Variants in KLHL32 observed in about 807,000 individuals in gnomAD.
KLHL32 encodes kelch like family member 32, also known as kelch-like protein 32.
A neutral mutation model predicts 64.8 loss-of-function variants in KLHL32; 35 were observed. The observed-to-expected ratio is 0.54, with a 90% CI of 0.41 to 0.72. The LOEUF (loss-of-function observed/expected upper bound fraction) is 0.72. Ranked by LOEUF, KLHL32 falls within the 30% of genes least tolerant of loss-of-function variation. KLHL32 has a pLI of 0.00. For missense variants in KLHL32, 589 were observed against 768.5 expected, an observed-to-expected ratio of 0.77 and a Z score of 2.76; for synonymous variants, 259 against 281.0, an observed-to-expected ratio of 0.92 and a Z score of 0.78.
intron 3 of KLHL32, among the ~76,000 whole-genome samples, chr6:96,987,257 G>A (rs901640715): frequency 6.6e-6 from 1 of 152,056 alleles, no homozygotes; most frequent in African/African-American, 2.4e-5. Flanking sequence ...GCTAGCTTTT[G>A]AATGTGTTTG....
intron 3 of KLHL32, among the ~76,000 whole-genome samples, chr6:96,999,360 C>A (rs1171098128): frequency 6.6e-6 from 1 of 152,168 alleles, no homozygotes; most frequent in African/African-American, 2.4e-5. Flanking sequence ...TGTGCCACAG[C>A]ACTCCAGCCT....
At chr6:97,065,987 T>C (rs1158028380) in intron 5 of KLHL32, among the ~76,000 whole-genome samples, 1 of 62,520 alleles carries the variant, frequency 1.6e-5, no homozygotes, top group Non-Finnish European at 6.2e-5. Context: ...GGTTAATGAT[T>C]TTTTTTTACC....
intron 4 of KLHL32, among the ~76,000 whole-genome samples, chr6:97,050,116 C>T (rs549063074): frequency 6.6e-6 from 1 of 152,316 alleles, no homozygotes; most frequent in East Asian, 1.9e-4. Flanking sequence ...TCTAAAATGT[C>T]TCTGTGCAAA....
chr6:96,941,137 T>G (rs978343692), intron 1 of KLHL32, among the ~76,000 whole-genome samples: 1 of 152,338 alleles, frequency 6.6e-6, no homozygotes, highest in African/African-American at 2.4e-5. Flanking sequence ...TTTTCAAGGG[T>G]TTGTTTACAA....
chr6:97,039,238 G>T (rs892001663), intron 3 of KLHL32, among the ~76,000 whole-genome samples: 3 of 152,154 alleles, frequency 2.0e-5, no homozygotes, highest in African/African-American at 7.2e-5. Context: ...TTGCAGCAAT[G>T]TGGATGGAAT....
At chr6:97,083,099 T>C (rs1436854584) in intron 5 of KLHL32, among the ~76,000 whole-genome samples, 1 of 152,170 alleles carries the variant, frequency 6.6e-6, no homozygotes, top group Admixed American at 6.5e-5. Flanking sequence ...CTTAAATTTG[T>C]ACTTGGGGAA....
At chr6:96,942,340 A>G (rs1290585411) in intron 1 of KLHL32, among the ~76,000 whole-genome samples, 2 of 152,044 alleles carry the variant, frequency 1.3e-5, no homozygotes, top group African/African-American at 4.8e-5. Context: ...CTTCACCTCA[A>G]TCTCAGTCCA....
chr6:97,102,327 G>A (rs183751346), intron 6 of KLHL32, among the ~76,000 whole-genome samples: 3 of 152,258 alleles, frequency 2.0e-5, no homozygotes, highest in African/African-American at 7.2e-5. Context: ...GGAAACAATG[G>A]GGGGTGTTGT....
chr6:96,966,032 A>C (rs1774419737), intron 1 of KLHL32, among the ~76,000 whole-genome samples: 1 of 152,210 alleles, frequency 6.6e-6, no homozygotes, highest in African/African-American at 2.4e-5. Context: ...CAAATATTAT[A>C]TTTCACTCAG....
rs539893823 is a variant in KLHL32 at position 97,041,576 on chromosome 6, C to A, written c.289C>A (p.Leu97Met). The A allele has an allele frequency of 1.9e-6, 3 of 1,612,220 alleles. No individual in the cohort carries two copies. In the African/African-American group the frequency reaches 4.0e-5, roughly 22 times the overall value. ...GACCAGCCTTGGCTTAAAGCAGGCT[C>A]TGGAGTTTGCATACACAGGACAGGT... ...GVTSLGLKQA[L>M]EFAYTGQILL... The change falls in exon 4 of 11, where the codon CTG becomes ATG. Residue 97 changes from leucine to methionine, a missense_variant. Around this residue, in one of 3 missense-constraint regions of KLHL32, gnomAD observed 191 missense variants for 223.3 expected, o/e 0.86. Coordinates refer to ENST00000369261, the MANE Select transcript of KLHL32 (RefSeq NM_052904.4).
Position 97,139,449 on chromosome 6 carries a change from G to A in KLHL32, c.*167G>A, listed in dbSNP as rs41289908. On this transcript the variant is annotated 3_prime_UTR_variant, in exon 11 of 11. Transcript: ENST00000369261. ...TTCTAAAATACGTTATTGAAAACTC[G>A]TCACCCTTCTCAGTGTATGTCAACA... 21,326 of 609,828 alleles carry A rather than the reference G, an allele frequency of 0.035. 498 individuals carry two copies. Among genetic ancestry groups the A allele is most frequent in the Middle Eastern group, 0.061 (189 of 3,084 alleles). 37.8% of individuals were successfully genotyped at this position (609,828 alleles called of 1,614,324 possible). A position where few individuals can be genotyped will look rare whatever the true frequency, so the allele number is the denominator to read the frequency against.
At chr6:96,994,401 T>C (rs1245013005) in intron 3 of KLHL32, 16 of 653,634 alleles carry the variant, frequency 2.4e-5, no homozygotes, top group Non-Finnish European at 2.8e-5. Context: ...AAAATAAAAC[T>C]ATACAAATTA....
intron 3 of KLHL32, among the ~76,000 whole-genome samples, chr6:97,021,716 A>G (rs1175500202): frequency 1.3e-5 from 2 of 150,824 alleles, no homozygotes; most frequent in Non-Finnish European, 2.9e-5. Flanking sequence ...ATATTTCCGA[A>G]TTGGACTTCC....
chr6:96,944,977 C>G (rs929863086), intron 1 of KLHL32, among the ~76,000 whole-genome samples: 4 of 152,158 alleles, frequency 2.6e-5, no homozygotes, highest in South Asian at 2.1e-4. Flanking sequence ...AAGAATATAA[C>G]ATGACGTTGA....
chr6:96,910,687 C>A, the KLHL32 span, among the ~76,000 whole-genome samples: 1 of 152,174 alleles, frequency 6.6e-6, no homozygotes, highest in Non-Finnish European at 1.5e-5. Context: ...AGTTACTCCT[C>A]AATTTCTGTT....
At chr6:96,917,639 G>T in the KLHL32 span, among the ~76,000 whole-genome samples, 1 of 152,222 alleles carries the variant, frequency 6.6e-6, no homozygotes, top group East Asian at 1.9e-4. Context: ...CTTCAACTGG[G>T]CCTCCTCTGG....
intron 5 of KLHL32, among the ~76,000 whole-genome samples, chr6:97,076,548 T>C (rs1163938952): frequency 6.6e-6 from 1 of 152,170 alleles, no homozygotes; most frequent in Non-Finnish European, 1.5e-5. Context: ...CCTACAGCTC[T>C]AAACTAAAGA....
rs147596136 is a variant in KLHL32, at chr6:97,067,771, T to G, written c.411+3045T>G. ...CCCTGATCATCATTCAGGTGCATTATTTCTCCCACAAAAGTCTTTAGCCTC... is the reference window on the plus strand; with the variant it reads ...CCCTGATCATCATTCAGGTGCATTAGTTCTCCCACAAAAGTCTTTAGCCTC... On this transcript the variant is annotated intron_variant, in intron 5 of 10. Coordinates refer to ENST00000369261, the MANE Select transcript of KLHL32 (RefSeq NM_052904.4). Among the ~76,000 whole-genome samples, 1,103 of 152,276 alleles carry G rather than the reference T, an allele frequency of 7.2e-3. 6 individuals are homozygous for G. Among genetic ancestry groups the G allele is most frequent in the Middle Eastern group, 0.031 (9 of 294 alleles).
intron 3 of KLHL32, among the ~76,000 whole-genome samples, chr6:97,010,497 A>G (rs1780264335): frequency 6.6e-6 from 1 of 152,226 alleles, no homozygotes; most frequent in Admixed American, 6.5e-5. Context: ...TGAATCCTAT[A>G]TAGTGCATTG....
Sources: gnomAD v4.1 joint callset for allele counts (sites outside exome capture counted in the v4.1 genomes callset) on GRCh38, gnomAD v4.1.1 for gene constraint, gnomAD v4.1.1 regional missense constraint, MANE v1.5 for transcripts, NCBI Gene and HGNC (gene_info 2026-07-23, HGNC 2026-07-21) for gene names.